Variants in OR13D1 observed in about 807,000 individuals in gnomAD.
The protein encoded by OR13D1 is olfactory receptor family 13 subfamily D member 1, also known as olfactory receptor 13D1.
For synonymous variants in OR13D1, 125 were observed against 140.2 expected (o/e 0.89, Z 0.76); for missense variants, 353 against 371.9 (o/e 0.95, Z 0.42).
rs1800354876 is a variant in OR13D1 at position 104,694,835 on chromosome 9, C to T, written c.318C>T (p.Gly106=). The change falls in exon 1 of 1, where the codon GGC becomes GGT. Residue 106 remains glycine (G), a synonymous_variant. Transcript: ENST00000641530. Reference sequence around the variant, plus strand: ...CTCTGCAGATGGTTGTGTCCCTTGGCTTGGGCTCCACTGAGTGTGTCCTCC... The same window carrying T: ...CTCTGCAGATGGTTGTGTCCCTTGGTTTGGGCTCCACTGAGTGTGTCCTCC... The part of the protein sequence containing the change: ...GCALQMVVSL[G]LGSTECVLLA... 3 of 1,614,162 alleles carry T rather than the reference C, an allele frequency of 1.9e-6. No homozygotes were observed. The African/African-American group carries it at 4.0e-5, about 22-fold the overall frequency.
At position 104,694,989 on chromosome 9, in the gene OR13D1, T is replaced by C. The variant is rs1165540517; in HGVS notation, c.472T>C (p.Leu158=). The C allele has an allele frequency of 5.0e-6, 8 of 1,614,050 alleles. No individual in the cohort carries two copies. The highest frequency in any genetic ancestry group is 6.8e-6 in the Non-Finnish European group (8 of 1,179,916). ...SWIIGCLTSL[L]QTVLTMMLPF... ...GATCATAGGCTGTCTGACCTCCCTA[T>C]TGCAAACAGTTCTGACAATGATGTT... Residue 158 remains leucine (L), a synonymous_variant, in exon 1 of 1, where the codon TTG becomes CTG. Coordinates refer to ENST00000641530, the MANE Select transcript of OR13D1 (RefSeq NM_001004484.2).
Position 104,695,079 on chromosome 9 carries a change from G to A in OR13D1, c.562G>A (p.Val188Ile). The A allele has an allele frequency of 2.5e-6, 4 of 1,614,072 alleles. No individual in the cohort carries two copies. Among genetic ancestry groups the A allele is most frequent in the Non-Finnish European group, 3.4e-6 (4 of 1,179,968 alleles). The change falls in exon 1 of 1, where the codon GTT becomes ATT. Residue 188 changes from valine to isoleucine, a missense_variant. Physicochemically the swap from Val to Ile is conservative, Grantham distance 29. Coordinates refer to ENST00000641530, the MANE Select transcript of OR13D1 (RefSeq NM_001004484.2). ...TCEILALLKL[V>I]CSDITINVLI... ...TGAAATTTTGGCCCTTCTAAAACTTGTTTGTTCAGATATCACCATCAATGT... is the reference window on the plus strand; with the variant it reads ...TGAAATTTTGGCCCTTCTAAAACTTATTTGTTCAGATATCACCATCAATGT...
In OR13D1 at chr9:104,694,993, A is replaced by G. The variant is rs1451790634; in HGVS notation, c.476A>G (p.Gln159Arg). The stretch of plus-strand genomic sequence containing the variant: ...ATAGGCTGTCTGACCTCCCTATTGC[A>G]AACAGTTCTGACAATGATGTTGCCT... ...WIIGCLTSLL[Q>R]TVLTMMLPFC... The change falls in exon 1 of 1, where the codon CAA (glutamine) becomes CGA (arginine). Residue 159 changes from glutamine to arginine, a missense_variant. Coordinates refer to ENST00000641530, the MANE Select transcript of OR13D1 (RefSeq NM_001004484.2). 7 of 1,614,032 alleles carry G rather than the reference A, an allele frequency of 4.3e-6. No individual in the cohort carries two copies. Among genetic ancestry groups the G allele is most frequent in the Admixed American group, 1.7e-5 (1 of 60,018 alleles).
rs1381027557 is a variant in OR13D1 at position 104,694,936 on chromosome 9, T to G, written c.419T>G (p.Leu140Arg). 3.7e-6 allele frequency: 6 copies of G among 1,614,056 alleles called. No individual in the cohort carries two copies. Among genetic ancestry groups the G allele is most frequent in the Non-Finnish European group, 5.1e-6 (6 of 1,180,030 alleles). The change falls in exon 1 of 1, where the codon CTG becomes CGG. Residue 140 changes from leucine to arginine, a missense_variant. Transcript: ENST00000641530. ...TACTCCATCATCATGAACGGAGTGCTGTATGTGCAAATGGCTGCATGGTCC... is the reference window on the plus strand; with the variant it reads ...TACTCCATCATCATGAACGGAGTGCGGTATGTGCAAATGGCTGCATGGTCC... ...LRYSIIMNGVLYVQMAAWSWI... is the reference protein window; with the variant it reads ...LRYSIIMNGVRYVQMAAWSWI...
In OR13D1 at chr9:104,695,377, C is replaced by T; in HGVS notation, c.860C>T (p.Pro287Leu). The change falls in exon 1 of 1, where the codon CCC becomes CTC. Residue 287 changes from proline (P) to leucine (L), a missense_variant. Physicochemically the swap from Pro to Leu is moderately conservative, Grantham distance 98 (BLOSUM62 -3). Transcript: ENST00000641530. Reference protein sequence around the residue: ...SYGVVSPMLNPIIYSLRNKEV... With the variant: ...SYGVVSPMLNLIIYSLRNKEV... ...GGAGTGGTAAGCCCAATGTTAAATC[C>T]CATCATCTATAGCCTCAGGAATAAA... is the stretch of plus-strand genomic sequence containing the variant. 1 of 1,612,042 alleles carries T rather than the reference C, an allele frequency of 6.2e-7. No individual in the cohort carries two copies. Among genetic ancestry groups the T allele is most frequent in the Non-Finnish European group, 8.5e-7 (1 of 1,179,110 alleles).
Position 104,694,744 on chromosome 9 carries a change from C to T in OR13D1, c.227C>T (p.Ser76Leu). The T allele has an allele frequency of 6.2e-7, 1 of 1,614,070 alleles. No homozygotes were observed. ...TTCTTGGACATCTGTTACACATCCT[C>T]ATCCATTCCTCCAATGCTTATTATA... ...LSFLDICYTS[S>L]SIPPMLIIFM... The change falls in exon 1 of 1, where the codon TCA becomes TTA. Residue 76 changes from serine to leucine, a missense_variant. Physicochemically the swap from Ser to Leu is moderately radical, Grantham distance 145. Transcript: ENST00000641530.
chr9:104,694,739 A>G lies in OR13D1; in HGVS notation c.222A>G (p.Thr74=). 6.2e-7 allele frequency: 1 copy of G among 1,614,132 alleles called. No homozygotes were observed. The highest frequency in any genetic ancestry group is 8.5e-7 in the Non-Finnish European group (1 of 1,179,986). ...TCTCATTCTTGGACATCTGTTACACATCCTCATCCATTCCTCCAATGCTTA... is the reference window on the plus strand; with the variant it reads ...TCTCATTCTTGGACATCTGTTACACGTCCTCATCCATTCCTCCAATGCTTA... ...GNLSFLDICY[T]SSSIPPMLII... is the part of the protein sequence containing the mutation. Residue 74 remains threonine, a synonymous_variant, in exon 1 of 1, where the codon ACA becomes ACG. Coordinates refer to ENST00000641530, the MANE Select transcript of OR13D1 (RefSeq NM_001004484.2).
In OR13D1 at chr9:104,695,002, T is replaced by A. The variant is rs1335158187; in HGVS notation, c.485T>A (p.Leu162Gln). Residue 162 changes from leucine (L) to glutamine (Q), a missense_variant, in exon 1 of 1, where the codon CTG (leucine) becomes CAG (glutamine). Coordinates refer to ENST00000641530, the MANE Select transcript of OR13D1 (RefSeq NM_001004484.2). ...CTGACCTCCCTATTGCAAACAGTTCTGACAATGATGTTGCCTTTCTGTGGG... is the reference window on the plus strand; with the variant it reads ...CTGACCTCCCTATTGCAAACAGTTCAGACAATGATGTTGCCTTTCTGTGGG... Reference protein sequence around the residue: ...GCLTSLLQTVLTMMLPFCGNN... With the variant: ...GCLTSLLQTVQTMMLPFCGNN... 6.2e-7 allele frequency: 1 copy of A among 1,614,046 alleles called. No individual in the cohort carries two copies. Among genetic ancestry groups the A allele is most frequent in the Admixed American group, 1.7e-5 (1 of 60,010 alleles).
At position 104,694,898 on chromosome 9, in the gene OR13D1, C is replaced by T. The variant is rs1269452023; in HGVS notation, c.381C>T (p.Cys127=). 1.9e-6 allele frequency: 3 copies of T among 1,614,170 alleles called. No homozygotes were observed. The highest frequency in any genetic ancestry group is 2.5e-6 in the Non-Finnish European group (3 of 1,180,008). ...CCTATGACCACTATGTGGCCATCTG[C>T]AACCCACTGAGGTACTCCATCATCA... The part of the protein sequence containing the change: ...VMAYDHYVAI[C]NPLRYSIIMN... The change falls in exon 1 of 1, where the codon TGC becomes TGT. Residue 127 remains cysteine, a synonymous_variant. Transcript: ENST00000641530.
Position 104,695,449 on chromosome 9 carries a change from T to C in OR13D1, c.932T>C (p.Leu311Ser). 1 of 1,543,740 alleles carries C rather than the reference T, an allele frequency of 6.5e-7. No individual in the cohort carries two copies. ...AAAGTCCTGAGCAGACATCTGCATT[T>C]ATTGAAAATGTGAAAAACCTTGGGC... The part of the protein sequence containing the change: ...VKKVLSRHLH[L>S]LKM The change falls in exon 1 of 1, where the codon TTA (leucine) becomes TCA (serine). Residue 311 changes from leucine to serine, a missense_variant. Coordinates refer to ENST00000641530, the MANE Select transcript of OR13D1 (RefSeq NM_001004484.2).
Position 104,694,582 on chromosome 9 carries a change from A to G in OR13D1, c.65A>G (p.Glu22Gly). ...CTGGTGGGGCTTTCCCAATATCCAG[A>G]GCTCCAGCTTTTTCTGTTCCTGCTC... ...FFLVGLSQYP[E>G]LQLFLFLLCL... The change falls in exon 1 of 1, where the codon GAG (glutamate) becomes GGG (glycine). Residue 22 changes from glutamate to glycine, a missense_variant. Transcript: ENST00000641530. The G allele has an allele frequency of 6.2e-7, 1 of 1,614,032 alleles. No individual in the cohort carries two copies. Among genetic ancestry groups the G allele is most frequent in the Non-Finnish European group, 8.5e-7 (1 of 1,179,986 alleles).
chr9:104,694,715 C>T lies in OR13D1; in HGVS notation c.198C>T (p.Leu66=). The T allele has an allele frequency of 2.5e-6, 4 of 1,614,166 alleles. No homozygotes were observed. The highest frequency in any genetic ancestry group is 3.4e-6 in the Non-Finnish European group (4 of 1,180,022). The change falls in exon 1 of 1, where the codon CTC becomes CTT. Residue 66 remains leucine, a synonymous_variant. Coordinates refer to ENST00000641530, the MANE Select transcript of OR13D1 (RefSeq NM_001004484.2). ...CCATGTATTTCTTTCTTGGAAACCT[C>T]TCATTCTTGGACATCTGTTACACAT... ...HTPMYFFLGN[L]SFLDICYTSS... is the part of the protein sequence containing the mutation.
Position 104,695,316 on chromosome 9 carries a change from A to G in OR13D1, c.799A>G (p.Thr267Ala), listed in dbSNP as rs1317499837. 2.5e-6 allele frequency: 4 copies of G among 1,613,880 alleles called. No homozygotes were observed. Among genetic ancestry groups the G allele is most frequent in the Admixed American group, 1.7e-5 (1 of 59,994 alleles). ...FMYMKPKSKN[T>A]NTSDEIIGLS... ...GTACATGAAACCCAAGTCAAAGAAC[A>G]CTAATACATCTGATGAGATTATTGG... Residue 267 changes from threonine to alanine, a missense_variant, in exon 1 of 1, where the codon ACT becomes GCT. By Grantham distance (58) the Thr-to-Ala change is moderately conservative. Coordinates refer to ENST00000641530, the MANE Select transcript of OR13D1 (RefSeq NM_001004484.2).
rs2118673620 is a variant in OR13D1, at chr9:104,695,197, G to A, written c.680G>A (p.Arg227Lys). 6.2e-7 allele frequency: 1 copy of A among 1,613,794 alleles called. No individual in the cohort carries two copies. Among genetic ancestry groups the A allele is most frequent in the South Asian group, 1.1e-5 (1 of 91,066 alleles). Residue 227 changes from arginine (R) to lysine (K), a missense_variant, in exon 1 of 1, where the codon AGA becomes AAA. By Grantham distance (26) the Arg-to-Lys change is conservative. Coordinates refer to ENST00000641530, the MANE Select transcript of OR13D1 (RefSeq NM_001004484.2). Reference sequence around the variant, plus strand: ...GTGTTTATTCTCTCTTCCATCCTGAGAATTAATTGTGCTGAGGGAAGAAAG... The same window carrying A: ...GTGTTTATTCTCTCTTCCATCCTGAAAATTAATTGTGCTGAGGGAAGAAAG... Reference protein sequence around the residue: ...SYVFILSSILRINCAEGRKKA... With the variant: ...SYVFILSSILKINCAEGRKKA...
chr9:104,695,247 C>T lies in OR13D1; in HGVS notation c.730C>T (p.His244Tyr), dbSNP rs767470667. 3 of 1,613,558 alleles carry T rather than the reference C, an allele frequency of 1.9e-6. No individual in the cohort carries two copies. Among genetic ancestry groups the T allele is most frequent in the Non-Finnish European group, 2.5e-6 (3 of 1,179,624 alleles). ...RKKAFSTCSAHSIVVILFYGS... is the reference protein window; with the variant it reads ...RKKAFSTCSAYSIVVILFYGS... ...GAAAGCCTTCTCTACCTGTTCAGCG[C>T]ACTCGATTGTGGTCATCTTATTCTA... Residue 244 changes from histidine (H) to tyrosine (Y), a missense_variant, in exon 1 of 1, where the codon CAC becomes TAC. His to Tyr is a moderately conservative substitution (Grantham distance 83). Coordinates refer to ENST00000641530, the MANE Select transcript of OR13D1 (RefSeq NM_001004484.2).
Position 104,694,809 on chromosome 9 carries a change from G to T in OR13D1, c.292G>T (p.Ala98Ser), listed in dbSNP as rs2118672483. The change falls in exon 1 of 1, where the codon GCT becomes TCT. Residue 98 changes from alanine (A) to serine (S), a missense_variant. Transcript: ENST00000641530. ...AAAATCCATCTCCTTCATTGGCTGT[G>T]CTCTGCAGATGGTTGTGTCCCTTGG... ...ERKSISFIGC[A>S]LQMVVSLGLG... 6.2e-7 allele frequency: 1 copy of T among 1,614,118 alleles called. No homozygotes were observed. Among genetic ancestry groups the T allele is most frequent in the Non-Finnish European group, 8.5e-7 (1 of 1,180,018 alleles).
At position 104,695,429 on chromosome 9, in the gene OR13D1, C is replaced by G; in HGVS notation, c.912C>G (p.Val304=). Residue 304 remains valine (V), a synonymous_variant, in exon 1 of 1, where the codon GTC becomes GTG. Coordinates refer to ENST00000641530, the MANE Select transcript of OR13D1 (RefSeq NM_001004484.2). ...AGGTCAAAGAGGCTGTAAAGAAAGT[C>G]CTGAGCAGACATCTGCATTTATTGA... The part of the protein sequence containing the change: ...NKEVKEAVKK[V]LSRHLHLLKM The G allele has an allele frequency of 6.3e-7, 1 of 1,575,244 alleles. No individual in the cohort carries two copies. The highest frequency in any genetic ancestry group is 1.4e-5 in the African/African-American group (1 of 72,960).
rs763418169 is a variant in OR13D1, at chr9:104,694,731, T to A, written c.214T>A (p.Cys72Ser). 6.2e-6 allele frequency: 10 copies of A among 1,614,140 alleles called. No individual in the cohort carries two copies. The highest frequency in any genetic ancestry group is 8.5e-6 in the Non-Finnish European group (10 of 1,179,984). Residue 72 changes from cysteine to serine, a missense_variant, in exon 1 of 1, where the codon TGT (cysteine) becomes AGT (serine). Transcript: ENST00000641530. Reference protein sequence around the residue: ...FLGNLSFLDICYTSSSIPPML... With the variant: ...FLGNLSFLDISYTSSSIPPML... ...TGGAAACCTCTCATTCTTGGACATC[T>A]GTTACACATCCTCATCCATTCCTCC...
Position 104,695,227 on chromosome 9 carries a change from C to T in OR13D1, c.710C>T (p.Ala237Val). The change falls in exon 1 of 1, where the codon GCC becomes GTC. Residue 237 changes from alanine to valine, a missense_variant. Coordinates refer to ENST00000641530, the MANE Select transcript of OR13D1 (RefSeq NM_001004484.2). ...AATTGTGCTGAGGGAAGAAAGAAAG[C>T]CTTCTCTACCTGTTCAGCGCACTCG... ...RINCAEGRKKAFSTCSAHSIV... is the reference protein window; with the variant it reads ...RINCAEGRKKVFSTCSAHSIV... 1 of 1,613,316 alleles carries T rather than the reference C, an allele frequency of 6.2e-7. No homozygotes were observed. Among genetic ancestry groups the T allele is most frequent in the Non-Finnish European group, 8.5e-7 (1 of 1,179,304 alleles).
Sources: allele counts gnomAD v4.1 joint callset, GRCh38; gene constraint gnomAD v4.1.1; transcripts MANE v1.5; gene names NCBI Gene and HGNC (gene_info 2026-07-23, HGNC 2026-07-21).